The following IMMP2L variants were observed in gnomAD, a reference collection of about 807,000 sequenced individuals.
IMMP2L encodes inner mitochondrial membrane peptidase subunit 2.
IMMP2L carries 18 observed loss-of-function variants against 19.3 expected under a neutral mutation model. That is an observed-to-expected ratio of 0.93 (90% CI 0.64 to 1.38). The LOEUF (loss-of-function observed/expected upper bound fraction) is 1.38. IMMP2L is among the 40% of genes most tolerant of loss of function. The pLI is 0.00. For synonymous variants in IMMP2L, 76 were observed against 73.0 expected, an observed-to-expected ratio of 1.04 and a Z score of -0.21; for missense variants, 233 against 218.2, an observed-to-expected ratio of 1.07 and a Z score of -0.43.
At chr7:110,786,975 A>G (rs924068591) in intron 5 of IMMP2L, among the ~76,000 whole-genome samples, 3 of 152,030 alleles carry the variant, frequency 2.0e-5, no homozygotes, top group Non-Finnish European at 4.4e-5. Context: ...ACATAGCATG[A>G]TATTCCACAC....
rs199743912 is a variant in IMMP2L, at chr7:110,728,175, CTTG to C, written c.409-64457_409-64455del. Among the ~76,000 whole-genome samples the C allele has an allele frequency of 5.6e-3, 856 of 152,142 alleles. 9 individuals are homozygous for C. Among genetic ancestry groups the C allele is most frequent in the African/African-American group, 0.019 (799 of 41,476 alleles). ...GCATTCATACATAATATCTGCCATGCTTGTTGTTGTTGTTATCAATATTATTAA... is the reference window on the plus strand; with the variant it reads ...GCATTCATACATAATATCTGCCATGCTTGTTGTTGTTATCAATATTATTAA... On this transcript the variant is annotated intron_variant, in intron 5 of 5. Transcript: ENST00000405709. This position sits in a 1 kb window ranked among gnomAD's most constrained non-coding sequence, Gnocchi z 4.6.
At chr7:111,206,565 A>G (rs1336032318) in intron 3 of IMMP2L, among the ~76,000 whole-genome samples, 2 of 152,136 alleles carry the variant, frequency 1.3e-5, no homozygotes, top group Admixed American at 6.5e-5. Flanking sequence ...ATATTTTGAT[A>G]AAGACATACA....
chr7:110,687,914 C>T (rs1793232344), intron 5 of IMMP2L, among the ~76,000 whole-genome samples: 1 of 151,870 alleles, frequency 6.6e-6, no homozygotes, highest in Non-Finnish European at 1.5e-5. Context: ...TTGTCCAATT[C>T]TGGGCATAAT....
chr7:110,752,170 G>C (rs769739677), intron 5 of IMMP2L, among the ~76,000 whole-genome samples: 13 of 152,064 alleles, frequency 8.5e-5, no homozygotes, highest in Non-Finnish European at 2.9e-5. Context: ...TGGATTTTGA[G>C]GTTTAGTGCT....
chr7:111,079,777 C>T (rs1217855057), intron 3 of IMMP2L, among the ~76,000 whole-genome samples: 3 of 152,134 alleles, frequency 2.0e-5, no homozygotes, highest in African/African-American at 7.2e-5. Context: ...AAAGCTTGAT[C>T]CCCAAATTCA....
chr7:111,239,208 C>A (rs188187328), intron 3 of IMMP2L, among the ~76,000 whole-genome samples: 1 of 151,848 alleles, frequency 6.6e-6, no homozygotes, highest in African/African-American at 2.4e-5. Context: ...TCCAAACTAT[C>A]GCTATGAGTA....
chr7:111,259,373 G>A (rs996829005), intron 3 of IMMP2L, among the ~76,000 whole-genome samples: 2 of 152,130 alleles, frequency 1.3e-5, no homozygotes, highest in Admixed American at 6.6e-5. Flanking sequence ...GGTGGCTCAT[G>A]ACTGTAATCC....
intron 3 of IMMP2L, among the ~76,000 whole-genome samples, chr7:111,009,138 T>C (rs1166572596): frequency 6.6e-6 from 1 of 152,274 alleles, no homozygotes; most frequent in South Asian, 2.1e-4. Flanking sequence ...CATAACGATA[T>C]GCTGGTATTA....
intron 3 of IMMP2L, among the ~76,000 whole-genome samples, chr7:111,380,302 T>G (rs1206872922): frequency 2.0e-5 from 3 of 151,902 alleles, no homozygotes; most frequent in Non-Finnish European, 4.4e-5. Context: ...CTGAAATAGA[T>G]TATATATTCA....
At chr7:111,237,992 T>C (rs1287941023) in intron 3 of IMMP2L, among the ~76,000 whole-genome samples, 1 of 152,088 alleles carries the variant, frequency 6.6e-6, no homozygotes, top group Admixed American at 6.6e-5. Context: ...AAGCTGGCTA[T>C]TATTTTATTA....
In IMMP2L at chr7:110,993,116, A is replaced by AT. The variant is rs569566628; in HGVS notation, c.240-29552dup. On this transcript the variant is annotated intron_variant, in intron 3 of 5. Coordinates refer to ENST00000405709, the MANE Select transcript of IMMP2L (RefSeq NM_032549.4). Reference sequence around the variant, plus strand: ...TTGAGAAAGAGGTAGTACTACATCAATTTTTTTTTTAAAACAGGCCAGGTT... The same window carrying AT: ...TTGAGAAAGAGGTAGTACTACATCAATTTTTTTTTTTAAAACAGGCCAGGTT... Among the ~76,000 whole-genome samples the AT allele has an allele frequency of 7.9e-3, 1,186 of 150,720 alleles. 18 individuals are homozygous for AT. The highest frequency in any genetic ancestry group is 0.028 in the African/African-American group (1,133 of 41,192).
At chr7:111,131,060 G>A (rs751135493) in intron 3 of IMMP2L, among the ~76,000 whole-genome samples, 1 of 151,800 alleles carries the variant, frequency 6.6e-6, no homozygotes, top group Non-Finnish European at 1.5e-5. Context: ...ATAAGTATAT[G>A]ATGCTAACAA....
At chr7:111,483,129 G>A (rs1434875341) in intron 3 of IMMP2L, among the ~76,000 whole-genome samples, 1 of 152,010 alleles carries the variant, frequency 6.6e-6, no homozygotes, top group Non-Finnish European at 1.5e-5. Context: ...CTTGAACTAT[G>A]GTTCTATATA....
chr7:110,791,941 T>G (rs1800485130), intron 5 of IMMP2L, among the ~76,000 whole-genome samples: 1 of 151,796 alleles, frequency 6.6e-6, no homozygotes, highest in South Asian at 2.1e-4. Flanking sequence ...CACATGGTTT[T>G]CCCTCCTGGA....
At chr7:110,931,184 T>A (rs763275997) in intron 4 of IMMP2L, among the ~76,000 whole-genome samples, 1 of 152,280 alleles carries the variant, frequency 6.6e-6, no homozygotes, top group Non-Finnish European at 1.5e-5. Context: ...CTATATGTTT[T>A]GCAGGAAAGT....
At chr7:111,344,245 G>C (rs943349750) in intron 3 of IMMP2L, among the ~76,000 whole-genome samples, 1 of 152,046 alleles carries the variant, frequency 6.6e-6, no homozygotes, top group Non-Finnish European at 1.5e-5. Context: ...TCCTAGTAAA[G>C]CTCCAGCCAC....
At chr7:111,532,918 T>C (rs1197992219) in intron 1 of IMMP2L, among the ~76,000 whole-genome samples, 1 of 152,144 alleles carries the variant, frequency 6.6e-6, no homozygotes, top group African/African-American at 2.4e-5. Flanking sequence ...AAAAGATTTA[T>C]GCAATTTAAG....
intron 3 of IMMP2L, among the ~76,000 whole-genome samples, chr7:111,016,899 T>G (rs1432697845): frequency 1.2e-5 from 1 of 86,472 alleles, no homozygotes; most frequent in Admixed American, 1.9e-4. Flanking sequence ...ATAATATATA[T>G]TATATATAAT....
intron 3 of IMMP2L, among the ~76,000 whole-genome samples, chr7:111,404,121 G>A (rs980854815): frequency 6.6e-6 from 1 of 151,998 alleles, no homozygotes; most frequent in Non-Finnish European, 1.5e-5. Flanking sequence ...AAAACAAATG[G>A]CCACAGAAAT....
Sources: gnomAD v4.1 joint callset for allele counts (sites outside exome capture counted in the v4.1 genomes callset) on GRCh38, gnomAD v4.1.1 for gene constraint, Gnocchi (gnomAD v3.1) non-coding constraint, MANE v1.5 for transcripts, NCBI Gene and HGNC (gene_info 2026-07-23, HGNC 2026-07-21) for gene names.